Variants in PHEX observed in about 807,000 individuals in gnomAD.
The protein encoded by PHEX is phosphate-regulating neutral endopeptidase PHEX.
Under a neutral mutation model 68.0 loss-of-function variants are expected in PHEX, and 16 were observed. The ratio of observed to expected loss-of-function variants is 0.24; its 90% CI spans 0.16 to 0.36. The LOEUF (loss-of-function observed/expected upper bound fraction) is 0.36, where lower values mean the gene tolerates loss of function less well. Ranked by LOEUF, PHEX falls within the 10% of genes least tolerant of loss-of-function variation. The pLI is 1.00. For synonymous variants in PHEX, 208 were observed against 205.1 expected, an observed-to-expected ratio of 1.01 and a Z score of -0.12; for missense variants, 480 against 575.5, an observed-to-expected ratio of 0.83 and a Z score of 1.70.
intron 3 of PHEX, among the ~76,000 whole-genome samples, chrX:22,066,835 G>A (rs919364434): frequency 8.9e-6 from 1 of 111,809 alleles, no homozygotes; most frequent in Non-Finnish European, 1.9e-5. Context: ...GTGTTTTGAT[G>A]TCACTTTCAT....
chrX:22,116,158 G>A (rs138137961), intron 11 of PHEX, among the ~76,000 whole-genome samples: 18 of 111,745 alleles, frequency 1.6e-4, no homozygotes, highest in African/African-American at 5.5e-4. Context: ...ATCCTAACAG[G>A]TAGTGAAGTG....
intron 20 of PHEX, among the ~76,000 whole-genome samples, chrX:22,238,156 T>C (rs1936049451): frequency 8.9e-6 from 1 of 112,351 alleles, no homozygotes; most frequent in South Asian, 3.6e-4. Context: ...GATGGCTTAA[T>C]AGGAACAGCT....
rs58524357 is a variant in PHEX, at chrX:22,097,079, A to G, written c.933+41A>G. ...CCAGAAAACTTTCTCTCAACTCATC[A>G]TTTTAGAAGGGATTGGATTTCATCT... On this transcript the variant is annotated intron_variant, in intron 8 of 21. Coordinates refer to ENST00000379374, the MANE Select transcript of PHEX (RefSeq NM_000444.6). 39,988 of 901,110 alleles carry G rather than the reference A, an allele frequency of 0.044. 1,532 individuals carry two copies. The highest frequency in any genetic ancestry group is 0.24 in the African/African-American group (12,485 of 51,375). 74.3% of individuals were successfully genotyped at this position (901,110 alleles called of 1,213,427 possible). A position where few individuals can be genotyped will look rare whatever the true frequency, so the allele number is the denominator to read the frequency against.
At chrX:22,054,825 G>A (rs896525303) in intron 3 of PHEX, among the ~76,000 whole-genome samples, 1 of 110,382 alleles carries the variant, frequency 9.1e-6, no homozygotes, top group Non-Finnish European at 1.9e-5. Context: ...CTGATATACC[G>A]TTTGAGTATT....
Position 22,213,323 on chromosome X carries a change from C to G in PHEX, c.1700+365C>G, listed in dbSNP as rs190177260. ...AGTGTGAGATAAGGAGGGAAAAGTG[C>G]TTCTATAATGGCAGAGTGTAGTTTG... On this transcript the variant is annotated intron_variant, in intron 16 of 21. Coordinates refer to ENST00000379374, the MANE Select transcript of PHEX (RefSeq NM_000444.6). Among the ~76,000 whole-genome samples, 537 of 111,540 alleles carry G rather than the reference C, an allele frequency of 4.8e-3. 2 individuals are homozygous for G. Among genetic ancestry groups the G allele is most frequent in the African/African-American group, 0.016 (504 of 30,702 alleles).
chrX:22,091,643 C>T (rs1929888247), intron 6 of PHEX, among the ~76,000 whole-genome samples: 1 of 111,915 alleles, frequency 8.9e-6, no homozygotes, highest in Non-Finnish European at 1.9e-5. Flanking sequence ...TTCAAGGCTG[C>T]CTCATGACTT....
chrX:22,222,848 A>G lies in PHEX; in HGVS notation c.1899+1105A>G, dbSNP rs1175861333. Among the ~76,000 whole-genome samples, 3 of 112,021 alleles carry G rather than the reference A, an allele frequency of 2.7e-5. No homozygotes were observed. In the East Asian group the frequency reaches 8.4e-4, roughly 31 times the overall value. ...TATGAGGTTCAAAGGAATTAAACTG[A>G]GGTTCAAAGAGATTAAAATCCACGG... On this transcript the variant is annotated intron_variant, in intron 18 of 21. Coordinates refer to ENST00000379374, the MANE Select transcript of PHEX (RefSeq NM_000444.6).
intron 15 of PHEX, among the ~76,000 whole-genome samples, chrX:22,198,340 T>C: frequency 9.2e-6 from 1 of 108,376 alleles, no homozygotes; most frequent in Non-Finnish European, 1.9e-5. Context: ...TATTAGTCCT[T>C]GCTTTTGAGG....
chrX:22,033,086 C>G lies in PHEX; in HGVS notation c.81C>G (p.Val27=), dbSNP rs139862893. 5.0e-6 allele frequency: 6 copies of G among 1,207,745 alleles called. No homozygotes were observed. The highest frequency in any genetic ancestry group is 6.7e-6 in the Non-Finnish European group (6 of 892,409). The part of the protein sequence containing the change: ...RGTRIALVVF[V]GGTLVLGTIL... ...CTCGAATTGCCCTGGTCGTGTTTGT[C>G]GGTGGCACCCTAGTTCTGGGCACGA... Residue 27 remains valine, a synonymous_variant, in exon 1 of 22, where the codon GTC becomes GTG. Transcript: ENST00000379374.
At chrX:22,098,815 A>AAAAAAAAAAAAAC in intron 8 of PHEX, among the ~76,000 whole-genome samples, 191 bp from the exon 9 acceptor site, 1 of 103,232 alleles carries the variant, frequency 9.7e-6, no homozygotes, top group Non-Finnish European at 2.0e-5. Flanking sequence ...AAAAAAAAAA[A>AAAAAAAAAAAAAC]AAAAAAAAAA....
At chrX:22,112,314 C>A (rs148884043) in intron 10 of PHEX, among the ~76,000 whole-genome samples, 2,422 of 111,564 alleles carry the variant, frequency 0.022, 60 homozygotes, top group African/African-American at 0.074. Flanking sequence ...TCTCTCCCAC[C>A]CTTGCTCGTC....
intron 12 of PHEX, among the ~76,000 whole-genome samples, chrX:22,154,516 G>C (rs1176119170): frequency 1.8e-5 from 2 of 111,583 alleles, no homozygotes; most frequent in Non-Finnish European, 3.8e-5. Context: ...GATCACAACT[G>C]GGGGGACAGA....
At chrX:22,209,873 G>A (rs973653797) in intron 15 of PHEX, among the ~76,000 whole-genome samples, 2 of 105,643 alleles carry the variant, frequency 1.9e-5, no homozygotes, top group South Asian at 8.8e-4. Flanking sequence ...AATGCCTCCC[G>A]TAAGTACACT....
Position 22,208,112 on chromosome X carries a change from T to A in PHEX, c.1646-4792T>A, listed in dbSNP as rs4306023. On this transcript the variant is annotated intron_variant, in intron 15 of 21. Coordinates refer to ENST00000379374, the MANE Select transcript of PHEX (RefSeq NM_000444.6). Reference sequence around the variant, plus strand: ...AGAATTAATTTTAATTACACAAGTTTATTATCTTTGGATAATCAAAAGGTA... The same window carrying A: ...AGAATTAATTTTAATTACACAAGTTAATTATCTTTGGATAATCAAAAGGTA... Among the ~76,000 whole-genome samples the A allele has an allele frequency of 2.9e-3, 307 of 105,537 alleles. 3 individuals carry two copies. Among genetic ancestry groups the A allele is most frequent in the African/African-American group, 1.0e-2 (284 of 28,514 alleles). The allele number at this position is 105,537 out of a possible 115,157, so 91.6% of individuals were successfully genotyped here.
intron 6 of PHEX, among the ~76,000 whole-genome samples, chrX:22,093,673 T>C (rs1263986441): frequency 8.9e-6 from 1 of 112,068 alleles, no homozygotes; most frequent in African/African-American, 3.2e-5. Context: ...AACTTTCTAT[T>C]CTTGTCTCAT....
intron 3 of PHEX, among the ~76,000 whole-genome samples, chrX:22,055,174 C>CAAAAAAAAAAAAAAAAAAAAAAA (rs111628195): frequency 1.5e-4 from 10 of 66,106 alleles, no homozygotes; most frequent in African/African-American, 2.4e-4. Flanking sequence ...GACTCCAGCT[C>CAAAAAAAAAAAAAAAAAAAAAAA]AAAAAAAAAA....
At chrX:22,042,321 T>C (rs1017586153) in intron 2 of PHEX, among the ~76,000 whole-genome samples, 1 of 111,934 alleles carries the variant, frequency 8.9e-6, no homozygotes, top group African/African-American at 3.2e-5. Flanking sequence ...AGGGCATGCA[T>C]GCTCATGATC....
At chrX:22,168,850 C>G (rs1419006392) in intron 13 of PHEX, among the ~76,000 whole-genome samples, 1 of 111,815 alleles carries the variant, frequency 8.9e-6, no homozygotes, top group Non-Finnish European at 1.9e-5. Flanking sequence ...ATACATACGA[C>G]TCTATAATTT....
intron 18 of PHEX, 83 bp from the exon 19 acceptor site, chrX:22,226,360 A>G: frequency 3.1e-6 from 2 of 655,601 alleles, no homozygotes; most frequent in Non-Finnish European, 5.1e-6. Flanking sequence ...TTTTCTTGCT[A>G]TAATATTGAT....
Sources: allele counts gnomAD v4.1 joint callset (sites outside exome capture counted in the v4.1 genomes callset), GRCh38; gene constraint gnomAD v4.1.1; transcripts MANE v1.5; gene names NCBI Gene and HGNC (gene_info 2026-07-23, HGNC 2026-07-21).